Variants in INPP4B observed in about 807,000 individuals in gnomAD.
INPP4B encodes the protein inositol polyphosphate 4-phosphatase type II.
Under a neutral mutation model 122.5 loss-of-function variants are expected in INPP4B, and 55 were observed. The observed-to-expected ratio is 0.45, with a 90% CI of 0.36 to 0.56. INPP4B has a LOEUF of 0.56. Among genes scored for constraint, INPP4B ranks in the 20% least tolerant of loss-of-function variants. The probability of loss-of-function intolerance (pLI) is 0.00; values close to 1 mark genes in which losing one functional copy is unlikely to be tolerated. For missense variants in INPP4B, 1,000 were observed against 1,097.7 expected (o/e 0.91, Z 1.26); for synonymous variants, 403 against 388.7 (o/e 1.04, Z -0.43).
intron 7 of INPP4B, among the ~76,000 whole-genome samples, chr4:142,374,062 A>G (rs977188532): frequency 6.6e-6 from 1 of 151,936 alleles, no homozygotes; most frequent in Non-Finnish European, 1.5e-5. Flanking sequence ...ACATGCAGAA[A>G]GATTGTTTTA....
intron 8 of INPP4B, among the ~76,000 whole-genome samples, chr4:142,312,509 A>G (rs1347898921): frequency 3.3e-5 from 5 of 152,224 alleles, no homozygotes; most frequent in East Asian, 1.9e-4. Flanking sequence ...ATCATTGAAT[A>G]TGATCCAGTG....
chr4:142,633,532 T>C lies in INPP4B; in HGVS notation c.-191+92307A>G, dbSNP rs143194720. 2.7e-3 allele frequency among the ~76,000 whole-genome samples: 405 copies of C among 152,272 alleles called. 6 individuals carry two copies. The highest frequency in any genetic ancestry group is 0.018 in the East Asian group (94 of 5,174). On this transcript the variant is annotated intron_variant, in intron 2 of 25. Coordinates refer to ENST00000262992, the MANE Select transcript of INPP4B (RefSeq NM_001101669.3). ...GGAATTAAAATTATACAAAACAGTA[T>C]GTGTACACAGTGCAGTTAAGCAGCT... is the stretch of plus-strand genomic sequence containing the variant.
chr4:142,076,994 C>T (rs1771111908), intron 25 of INPP4B, among the ~76,000 whole-genome samples: 1 of 151,936 alleles, frequency 6.6e-6, no homozygotes, highest in Admixed American at 6.6e-5. Context: ...GGAAGTCATG[C>T]AAATACATCT....
At chr4:142,038,795 G>A (rs2152316633) in intron 25 of INPP4B, among the ~76,000 whole-genome samples, 1 of 152,334 alleles carries the variant, frequency 6.6e-6, no homozygotes, top group Non-Finnish European at 1.5e-5. Flanking sequence ...GCGCAAGTGT[G>A]TGAAGTAGGG....
chr4:142,545,814 C>CACACATATAT (rs1560782678), intron 2 of INPP4B, among the ~76,000 whole-genome samples: 33 of 116,886 alleles, frequency 2.8e-4, no homozygotes, highest in African/African-American at 1.1e-3. Flanking sequence ...TACACATATA[C>CACACATATAT]ATGTGTGTAT....
chr4:142,270,933 T>TGTG (rs1745469275), intron 9 of INPP4B, among the ~76,000 whole-genome samples, 159 bp from the exon 10 acceptor site: 1 of 148,538 alleles, frequency 6.7e-6, no homozygotes, highest in African/African-American at 2.5e-5. Flanking sequence ...GGGTAGGTGT[T>TGTG]TGTGTGTGTG....
chr4:142,431,643 T>C (rs1809324671), intron 3 of INPP4B, among the ~76,000 whole-genome samples: 1 of 152,166 alleles, frequency 6.6e-6, no homozygotes, highest in African/African-American at 2.4e-5. Flanking sequence ...TAGTTCAGTC[T>C]GTAAGATAGT....
intron 2 of INPP4B, among the ~76,000 whole-genome samples, chr4:142,697,647 A>C (rs1761201075): frequency 6.6e-6 from 1 of 152,178 alleles, no homozygotes; most frequent in Non-Finnish European, 1.5e-5. Flanking sequence ...ATATACTGGA[A>C]ACCTACAAGA....
chr4:142,111,291 C>G (rs1207176559), intron 22 of INPP4B, among the ~76,000 whole-genome samples: 1 of 152,064 alleles, frequency 6.6e-6, no homozygotes, highest in African/African-American at 2.4e-5. Context: ...TCAGCCCCTA[C>G]AGCCAAGATG....
At chr4:142,569,293 ATTTT>A (rs141880193) in intron 2 of INPP4B, among the ~76,000 whole-genome samples, 5 of 144,002 alleles carry the variant, frequency 3.5e-5, no homozygotes, top group Admixed American at 7.0e-5. Flanking sequence ...ATAAACATGG[ATTTT>A]TTTTTTTTTT....
intron 18 of INPP4B, among the ~76,000 whole-genome samples, chr4:142,128,159 C>T (rs1799472142): frequency 6.6e-6 from 1 of 151,524 alleles, no homozygotes; most frequent in Non-Finnish European, 1.5e-5. Context: ...TTATTTGGTC[C>T]TCCTGATAAA....
chr4:142,528,303 G>T (rs1335134285), intron 2 of INPP4B, among the ~76,000 whole-genome samples: 3 of 151,960 alleles, frequency 2.0e-5, no homozygotes, highest in Admixed American at 2.0e-4. Flanking sequence ...TGCTTACAAG[G>T]CTGTAATCAA....
At chr4:142,755,583 G>A (rs1210982589) in intron 1 of INPP4B, among the ~76,000 whole-genome samples, 1 of 151,996 alleles carries the variant, frequency 6.6e-6, no homozygotes, top group African/African-American at 2.4e-5. Context: ...TCTGAGCAAG[G>A]ATGGAATACT....
chr4:142,496,568 C>G (rs1334786068), intron 2 of INPP4B, among the ~76,000 whole-genome samples: 1 of 152,028 alleles, frequency 6.6e-6, no homozygotes, highest in African/African-American at 2.4e-5. Flanking sequence ...GTATGTATTC[C>G]ATTGGCTGTA....
intron 7 of INPP4B, among the ~76,000 whole-genome samples, chr4:142,351,836 T>C (rs1465181248): frequency 6.6e-5 from 10 of 151,998 alleles, no homozygotes; most frequent in Admixed American, 1.3e-4. Context: ...ATTCTTGTAG[T>C]ATAATAAATG....
intron 8 of INPP4B, among the ~76,000 whole-genome samples, chr4:142,311,574 G>A (rs1765527615): frequency 1.3e-5 from 2 of 152,102 alleles, no homozygotes; most frequent in Non-Finnish European, 2.9e-5. Context: ...TAGAAATAGA[G>A]ACTTTGCTCT....
chr4:142,767,016 A>T (rs1451537413), intron 1 of INPP4B, among the ~76,000 whole-genome samples: 6 of 152,210 alleles, frequency 3.9e-5, no homozygotes, highest in Non-Finnish European at 8.8e-5. Flanking sequence ...ATTGGGGAAT[A>T]AAGCCACCCA....
chr4:142,347,769 AT>A (rs141537694), intron 7 of INPP4B, among the ~76,000 whole-genome samples: 4,373 of 152,026 alleles, frequency 0.029, 207 homozygotes, highest in African/African-American at 0.099. Flanking sequence ...CTAGGTAAAT[AT>A]TTTTTTCTGA....
At chr4:142,349,497 G>A (rs1781316564) in intron 7 of INPP4B, among the ~76,000 whole-genome samples, 2 of 151,964 alleles carry the variant, frequency 1.3e-5, no homozygotes, top group Non-Finnish European at 2.9e-5. Context: ...TTTGAAACTG[G>A]AGAATGATTT....
Sources: gnomAD v4.1 joint callset for allele counts (sites outside exome capture counted in the v4.1 genomes callset) on GRCh38, gnomAD v4.1.1 for gene constraint, MANE v1.5 for transcripts, NCBI Gene and HGNC (gene_info 2026-07-23, HGNC 2026-07-21) for gene names.